The following FRY variants were observed in gnomAD, a reference collection of about 807,000 sequenced individuals.
FRY encodes the protein FRY microtubule binding protein, also known as protein furry homolog.
In FRY, 128 loss-of-function variants were observed where a neutral mutation model predicts 348.4. That is an observed-to-expected ratio of 0.37 (90% CI 0.32 to 0.43). The LOEUF (loss-of-function observed/expected upper bound fraction) is 0.43, where lower values mean the gene tolerates loss of function less well. Among genes scored for constraint, FRY ranks in the 20% least tolerant of loss-of-function variants. FRY has a pLI of 1.00. For missense variants in FRY, 2,736 were observed against 3,695.2 expected, an observed-to-expected ratio of 0.74 and a Z score of 6.73; for synonymous variants, 1,370 against 1,374.7, an observed-to-expected ratio of 1.00 and a Z score of 0.08.
chr13:32,288,714 T>C (rs1437322783), intron 58 of FRY, among the ~76,000 whole-genome samples: 2 of 152,226 alleles, frequency 1.3e-5, no homozygotes, highest in African/African-American at 2.4e-5. Flanking sequence ...AACATTTAGT[T>C]TAAACCACAT....
intron 53 of FRY, 86 bp downstream of exon 53, chr13:32,262,561 G>T: frequency 1.0e-6 from 1 of 995,434 alleles, no homozygotes; most frequent in Non-Finnish European, 1.6e-6. Flanking sequence ...ATTCTTAAGG[G>T]GTCTCAAGTA....
At position 32,124,881 on chromosome 13, in the gene FRY, T is replaced by C; in HGVS notation, c.716+6T>C. 6.3e-7 allele frequency: 1 copy of C among 1,592,668 alleles called. No homozygotes were observed. On this transcript the variant is annotated splice_donor_region_variant and intron_variant, in intron 7 of 60. Transcript: ENST00000542859. ...GGAGTGTTGGCACAAGCCAAGTAAG[T>C]GAATGCCAGAACCCTTTACCATGAG...
chr13:32,172,977 T>A (rs1023113793), intron 18 of FRY, among the ~76,000 whole-genome samples: 2 of 152,214 alleles, frequency 1.3e-5, no homozygotes, highest in Non-Finnish European at 2.9e-5. Flanking sequence ...AGTAAATGTT[T>A]GAAAATTCGA....
chr13:32,185,093 A>G lies in FRY; in HGVS notation c.3264A>G (p.Lys1088=). 5.0e-6 allele frequency: 8 copies of G among 1,614,076 alleles called. No homozygotes were observed. The highest frequency in any genetic ancestry group is 6.8e-6 in the Non-Finnish European group (8 of 1,179,892). ...AENDKEVEIL[K]DIRAHFSAMV... ...ATGACAAAGAAGTTGAAATTCTTAA[A>G]GATATCCGGGCACATTTTAGTGCAA... Residue 1088 remains lysine (K), a synonymous_variant, in exon 26 of 61, where the codon AAA becomes AAG. Coordinates refer to ENST00000542859, the MANE Select transcript of FRY (RefSeq NM_023037.3).
chr13:32,269,194 T>C (rs1888092184), intron 55 of FRY, among the ~76,000 whole-genome samples: 1 of 152,214 alleles, frequency 6.6e-6, no homozygotes, highest in East Asian at 1.9e-4. Context: ...ATTATGTCCC[T>C]CTTAAATGGG....
chr13:32,152,564 A>G (rs1880863104), intron 14 of FRY, among the ~76,000 whole-genome samples: 1 of 152,202 alleles, frequency 6.6e-6, no homozygotes, highest in African/African-American at 2.4e-5. Flanking sequence ...GTGCTGAACA[A>G]TTGGATATCC....
In FRY at chr13:32,220,919, G is replaced by A. The variant is rs189386975; in HGVS notation, c.4765+2088G>A. Among the ~76,000 whole-genome samples, 118 of 152,320 alleles carry A rather than the reference G, an allele frequency of 7.7e-4. 1 individual carries two copies. The highest frequency in any genetic ancestry group is 2.4e-3 in the African/African-American group (99 of 41,566). ...CAAGTAAGTTACTTGTAGGTAATTT[G>A]CTGAGAGTTAGAACTGAGATGAGTT... On this transcript the variant is annotated intron_variant, in intron 36 of 60. Transcript: ENST00000542859.
At position 32,209,640 on chromosome 13, in the gene FRY, A is replaced by G. The variant is rs751670721; in HGVS notation, c.4331A>G (p.Asn1444Ser). ...GAAAATGCTTGGAATGCTTTAGCCA[A>G]CAATGAGAAATGGAGCAACAACCTG... ...EMENAWNALA[N>S]NEKWSNNLRI... Residue 1444 changes from asparagine to serine, a missense_variant, in exon 33 of 61, where the codon AAC becomes AGC. Asn to Ser is a conservative substitution (Grantham distance 46, BLOSUM62 1). Around this residue, in one of 9 missense-constraint regions of FRY, gnomAD observed 794 missense variants for 977.0 expected, o/e 0.81. Transcript: ENST00000542859. The G allele has an allele frequency of 6.8e-6, 11 of 1,614,124 alleles. No individual in the cohort carries two copies. Among genetic ancestry groups the G allele is most frequent in the Non-Finnish European group, 8.5e-6 (10 of 1,179,946 alleles).
intron 46 of FRY, among the ~76,000 whole-genome samples, chr13:32,242,238 A>G (rs1886546846): frequency 6.6e-6 from 1 of 152,326 alleles, no homozygotes; most frequent in Admixed American, 6.5e-5. Flanking sequence ...AAATGACTCT[A>G]CATTTCCTGA....
At chr13:32,274,564 CGTG>C (rs1315249413) in intron 55 of FRY, among the ~76,000 whole-genome samples, 2 of 151,516 alleles carry the variant, frequency 1.3e-5, no homozygotes, top group Admixed American at 6.6e-5. Context: ...ATTAGCCAGG[CGTG>C]GTGGCAGGCA....
chr13:32,052,509 T>C (rs1873387837), intron 1 of FRY, among the ~76,000 whole-genome samples: 1 of 152,230 alleles, frequency 6.6e-6, no homozygotes, highest in Non-Finnish European at 1.5e-5. Context: ...TTTTCATAAT[T>C]TATTTTATCT....
At chr13:32,245,110 C>G (rs989651767) in intron 47 of FRY, among the ~76,000 whole-genome samples, 1 of 151,930 alleles carries the variant, frequency 6.6e-6, no homozygotes, top group Non-Finnish European at 1.5e-5. Context: ...CCACCACGCC[C>G]GGCTAATTTT....
intron 11 of FRY, among the ~76,000 whole-genome samples, chr13:32,139,636 A>T (rs993788961): frequency 5.3e-5 from 8 of 152,178 alleles, no homozygotes; most frequent in Non-Finnish European, 1.2e-4. Context: ...TGAAATCTTT[A>T]ATTTTTCTAC....
intron 3 of FRY, among the ~76,000 whole-genome samples, chr13:32,113,022 A>T (rs1410979937): frequency 6.6e-6 from 1 of 152,234 alleles, no homozygotes; most frequent in Non-Finnish European, 1.5e-5. Context: ...AATGAAAAAA[A>T]ATATTTAATG....
chr13:32,033,928 A>G (rs1301879868), intron 1 of FRY, among the ~76,000 whole-genome samples: 1 of 152,226 alleles, frequency 6.6e-6, no homozygotes, highest in African/African-American at 2.4e-5. Flanking sequence ...TGAGCAGCAA[A>G]GAGAGAAAGG....
chr13:32,258,185 T>A (rs186407782), intron 51 of FRY, among the ~76,000 whole-genome samples: 1 of 152,350 alleles, frequency 6.6e-6, no homozygotes, highest in East Asian at 1.9e-4. Context: ...TTTAAAACCT[T>A]TATATGCCTA....
intron 29 of FRY, among the ~76,000 whole-genome samples, chr13:32,200,024 G>A (rs991907024): frequency 2.0e-5 from 3 of 152,052 alleles, no homozygotes; most frequent in African/African-American, 7.2e-5. Context: ...GATGGCTCAG[G>A]GCTTCACATG....
intron 7 of FRY, among the ~76,000 whole-genome samples, chr13:32,128,222 C>T (rs78861205): frequency 0.014 from 2,201 of 152,274 alleles, 52 homozygotes; most frequent in East Asian, 0.086. Context: ...GCTCAAATCT[C>T]CTCTGAAATC....
chr13:32,186,220 T>C, intron 26 of FRY, 40 bp from the exon 27 acceptor site: 1 of 1,422,410 alleles, frequency 7.0e-7, no homozygotes, highest in Non-Finnish European at 1.0e-6. Flanking sequence ...ATATACAGTA[T>C]GTCCAGTCTT....
Sources: gnomAD v4.1 joint callset for allele counts (sites outside exome capture counted in the v4.1 genomes callset) on GRCh38, gnomAD v4.1.1 for gene constraint, gnomAD v4.1.1 regional missense constraint, MANE v1.5 for transcripts, NCBI Gene and HGNC (gene_info 2026-07-23, HGNC 2026-07-21) for gene names.